COG4: variants seen among roughly 807,000 people sequenced by gnomAD.
COG4 encodes component of oligomeric golgi complex 4.
A neutral mutation model predicts 95.1 loss-of-function variants in COG4; 65 were observed. That is an observed-to-expected ratio of 0.68 (90% CI 0.56 to 0.84). The LOEUF is 0.84. Among genes scored for constraint, COG4 ranks in the 40% least tolerant of loss-of-function variants. The pLI is 0.00. For missense variants in COG4, 1,045 were observed against 989.1 expected (o/e 1.06, Z -0.76); for synonymous variants, 421 against 374.8 (o/e 1.12, Z -1.42).
intron 4 of COG4, among the ~76,000 whole-genome samples, chr16:70,513,385 A>G: frequency 6.6e-6 from 1 of 152,216 alleles, no homozygotes; most frequent in South Asian, 2.1e-4. Flanking sequence ...ATCTGGATTC[A>G]GTTTCCTTTT....
At position 70,503,017 on chromosome 16, in the gene COG4, C is replaced by T. The variant is rs2049485855; in HGVS notation, c.1062-1926G>A. Among the ~76,000 whole-genome samples the T allele has an allele frequency of 2.0e-5, 3 of 152,090 alleles. No individual in the cohort carries two copies. In the South Asian group the frequency reaches 6.2e-4, roughly 31 times the overall value. ...TCACATAATATAAAAAAATTAACTT[C>T]CTTTGCACACTGAAGTCCAAGAGGT... On this transcript the variant is annotated intron_variant, in intron 8 of 18. Coordinates refer to ENST00000323786, the MANE Select transcript of COG4 (RefSeq NM_015386.3).
rs772781630 is a variant in COG4 at position 70,512,370 on chromosome 16, C to G, written c.607G>C (p.Val203Leu). The change falls in exon 5 of 19, where the codon GTG (valine) becomes CTG (leucine). Residue 203 changes from valine (V) to leucine (L), a missense_variant. Transcript: ENST00000323786. ...QEAEQRLKAI[V>L]AEKFAIATKE... ...GTGGCAATGGCAAACTTCTCTGCCA[C>G]AATGGCTTTGAGACGTTGCTCAGCT... 6.2e-7 allele frequency: 1 copy of G among 1,614,164 alleles called. No homozygotes were observed. The highest frequency in any genetic ancestry group is 1.7e-5 in the Admixed American group (1 of 60,004).
At chr16:70,505,197 C>CT (rs767606425) in intron 8 of COG4, among the ~76,000 whole-genome samples, 13,466 of 122,624 alleles carry the variant, frequency 0.11, 2,873 homozygotes, top group African/African-American at 0.4. Flanking sequence ...TTTGGATTTT[C>CT]TTTTTTTTTT....
chr16:70,497,376 C>CAG lies in COG4; in HGVS notation c.1324_1325dup (p.Asp443TrpfsTer9), dbSNP rs748714642. The CAG allele has an allele frequency of 1.2e-6, 2 of 1,613,194 alleles. No individual in the cohort carries two copies. Among genetic ancestry groups the CAG allele is most frequent in the Admixed American group, 3.3e-5 (2 of 59,984 alleles). On this transcript the variant is annotated frameshift_variant, in exon 11 of 19. Transcript: ENST00000323786. LOFTEE classifies it high-confidence loss of function. ...TCAGCTGGCCCTTCTCATAGGTGTC[C>CAG]AGAGCCACAGCCTACCCAAAAGGCA...
intron 13 of COG4, among the ~76,000 whole-genome samples, chr16:70,488,673 G>A (rs906257585): frequency 2.0e-5 from 3 of 152,090 alleles, no homozygotes; most frequent in Non-Finnish European, 4.4e-5. Flanking sequence ...TCAGCCTCCC[G>A]AGTAGCTGGG....
At chr16:70,494,537 C>A (rs559328039) in intron 12 of COG4, among the ~76,000 whole-genome samples, 1 of 152,262 alleles carries the variant, frequency 6.6e-6, no homozygotes, top group East Asian at 1.9e-4. Flanking sequence ...GGGCCTCAAA[C>A]AATGAAACTG....
At chr16:70,508,125 T>C (rs939813683) in intron 8 of COG4, among the ~76,000 whole-genome samples, 9 of 152,010 alleles carry the variant, frequency 5.9e-5, no homozygotes, top group African/African-American at 2.2e-4. Flanking sequence ...TTCACCATAT[T>C]GGCCAGGCTG....
intron 6 of COG4, 70 bp downstream of exon 6, chr16:70,509,846 G>A (rs2049660825): frequency 8.8e-7 from 1 of 1,137,864 alleles, no homozygotes; most frequent in African/African-American, 1.5e-5. Context: ...CTAGAAGGGT[G>A]AGAAGAAAGG....
intron 9 of COG4, among the ~76,000 whole-genome samples, chr16:70,500,046 G>C (rs948916135): frequency 2.0e-5 from 3 of 151,656 alleles, no homozygotes; most frequent in African/African-American, 7.3e-5. Context: ...TGTTGACCAG[G>C]CTGGTCTCAA....
chr16:70,483,905 C>T lies in COG4; in HGVS notation c.1775G>A (p.Ser592Asn). 6.2e-7 allele frequency: 1 copy of T among 1,613,434 alleles called. No individual in the cohort carries two copies. The highest frequency in any genetic ancestry group is 8.5e-7 in the Non-Finnish European group (1 of 1,180,032). Reference protein sequence around the residue: ...GGEQAQAKFDSCLSDLAAVSN... With the variant: ...GGEQAQAKFDNCLSDLAAVSN... ...CACGGCGGCCAAGTCAGAAAGGCAG[C>T]TGTCAAACTTGGCCTGGGCCTGCTC... The change falls in exon 14 of 19, where the codon AGC becomes AAC. Residue 592 changes from serine to asparagine, a missense_variant. Physicochemically the swap from Ser to Asn is conservative, Grantham distance 46. Transcript: ENST00000323786.
chr16:70,500,453 A>G (rs2049425911), intron 9 of COG4, among the ~76,000 whole-genome samples: 2 of 132,066 alleles, frequency 1.5e-5, no homozygotes, highest in South Asian at 2.3e-4. Flanking sequence ...TATGCCCCCC[A>G]GGGTTCAAGC....
At position 70,485,586 on chromosome 16, in the gene COG4, T is replaced by G. The variant is rs534116153; in HGVS notation, c.1711-1617A>C. On this transcript the variant is annotated intron_variant, in intron 13 of 18. Coordinates refer to ENST00000323786, the MANE Select transcript of COG4 (RefSeq NM_015386.3). Reference sequence around the variant, plus strand: ...CTGACTCCAAAAATCCTGTTTTTTTTGTTTTTTTTTTTTTTTTGAGACAGA... The same window carrying G: ...CTGACTCCAAAAATCCTGTTTTTTTGGTTTTTTTTTTTTTTTTGAGACAGA... 2.8e-4 allele frequency among the ~76,000 whole-genome samples: 41 copies of G among 145,260 alleles called. No homozygotes were observed. In the South Asian group the frequency reaches 8.4e-3, roughly 30 times the overall value.
chr16:70,508,706 A>G, intron 7 of COG4: 1 of 651,200 alleles, frequency 1.5e-6, no homozygotes, highest in South Asian at 1.6e-5. Context: ...TGGTGTTCCA[A>G]TAGACTACTG....
chr16:70,499,408 T>C (rs1308390973), intron 9 of COG4, among the ~76,000 whole-genome samples: 1 of 152,182 alleles, frequency 6.6e-6, no homozygotes, highest in Non-Finnish European at 1.5e-5. Flanking sequence ...GAGCACACAA[T>C]TTCCTTTATA....
rs893119792 is a variant in COG4, at chr16:70,480,660, A to C, written c.*350T>G. 6.1e-6 allele frequency: 2 copies of C among 328,686 alleles called. No individual in the cohort carries two copies. Among genetic ancestry groups the C allele is most frequent in the African/African-American group, 4.3e-5 (2 of 47,046 alleles). The allele number at this position is 328,686 out of a possible 1,614,324, so 20.4% of individuals were successfully genotyped here. ...ACTGCTAGGTCCCCAGATGTACCCA[A>C]GTTGTCTAGGACTGGCAGGGGTAGC... On this transcript the variant is annotated 3_prime_UTR_variant, in exon 19 of 19. Coordinates refer to ENST00000323786, the MANE Select transcript of COG4 (RefSeq NM_015386.3).
chr16:70,499,770 C>T (rs1245535878), intron 9 of COG4, among the ~76,000 whole-genome samples: 5 of 152,100 alleles, frequency 3.3e-5, no homozygotes, highest in Non-Finnish European at 7.4e-5. Context: ...CGCCATTCTC[C>T]TGCCTCAGCC....
intron 8 of COG4, among the ~76,000 whole-genome samples, chr16:70,503,041 GTCTTT>G (rs2151753427): frequency 6.6e-6 from 1 of 152,152 alleles, no homozygotes; most frequent in East Asian, 1.9e-4. Flanking sequence ...AGTCCAAGAG[GTCTTT>G]TCTTTCTTTC....
At position 70,496,263 on chromosome 16, in the gene COG4, T is replaced by C; in HGVS notation, c.1647+3A>G. ...CCCAGCTCGTGAGCTGTGGGGTACC[T>C]ACCAGGAAGGACATCTTCGCCTCGT... On this transcript the variant is annotated splice_donor_region_variant and intron_variant, in intron 12 of 18. Transcript: ENST00000323786. 6.2e-7 allele frequency: 1 copy of C among 1,614,164 alleles called. No individual in the cohort carries two copies. Among genetic ancestry groups the C allele is most frequent in the Non-Finnish European group, 8.5e-7 (1 of 1,180,016 alleles).
intron 12 of COG4, 132 bp downstream of exon 12, chr16:70,496,134 G>A: frequency 1.1e-6 from 1 of 933,358 alleles, no homozygotes; most frequent in Non-Finnish European, 1.7e-6. Context: ...TTCCCTTAAA[G>A]GAGGAATTTT....
Sources: gnomAD v4.1 joint callset for allele counts (sites outside exome capture counted in the v4.1 genomes callset) on GRCh38, gnomAD v4.1.1 for gene constraint, MANE v1.5 for transcripts, NCBI Gene and HGNC (gene_info 2026-07-23, HGNC 2026-07-21) for gene names.